The following DOCK1 variants were observed in gnomAD, a reference collection of about 807,000 sequenced individuals.
The protein encoded by DOCK1 is dedicator of cytokinesis 1, also known as dedicator of cytokinesis protein 1.
A neutral mutation model predicts 262.7 loss-of-function variants in DOCK1; 138 were observed. The ratio of observed to expected loss-of-function variants is 0.53; its 90% CI spans 0.46 to 0.61. The LOEUF (loss-of-function observed/expected upper bound fraction) is 0.61, where lower values mean the gene tolerates loss of function less well. Ranked by LOEUF, DOCK1 falls within the 20% of genes least tolerant of loss-of-function variation. DOCK1 has a pLI of 0.00. For missense variants in DOCK1, 1,908 were observed against 2,370.7 expected (o/e 0.80, Z 4.05); for synonymous variants, 866 against 867.4 (o/e 1.00, Z 0.03).
intron 28 of DOCK1, among the ~76,000 whole-genome samples, chr10:127,251,380 T>A (rs547293071): frequency 2.1e-4 from 32 of 152,194 alleles, no homozygotes; most frequent in African/African-American, 6.3e-4. Flanking sequence ...CATTTTTTTT[T>A]AAATTTTATT....
intron 21 of DOCK1, among the ~76,000 whole-genome samples, chr10:127,044,266 T>C (rs573265591): frequency 3.5e-4 from 54 of 152,222 alleles, no homozygotes; most frequent in Middle Eastern, 3.4e-3. Context: ...AGCCAGCTGT[T>C]AATATACCCT....
chr10:126,918,108 A>G (rs1018098302), intron 1 of DOCK1, among the ~76,000 whole-genome samples: 6 of 152,230 alleles, frequency 3.9e-5, no homozygotes, highest in Admixed American at 3.3e-4. Flanking sequence ...AACACAAAGA[A>G]GGGACTTCCA....
intron 21 of DOCK1, among the ~76,000 whole-genome samples, chr10:127,048,690 G>A (rs1442362172): frequency 6.6e-6 from 1 of 152,222 alleles, no homozygotes; most frequent in Non-Finnish European, 1.5e-5. Flanking sequence ...TGTGCCAGGT[G>A]TGTTTCAAGT....
rs750333841 is a variant in DOCK1 at position 127,137,812 on chromosome 10, C to T, written c.2847+10048C>T. The stretch of plus-strand genomic sequence containing the variant: ...AACTCCAGTGGGTTCTAAAGACGGC[C>T]TCGAGACTCCAGACACCGTGAGTGT... On this transcript the variant is annotated intron_variant, in intron 27 of 51. Transcript: ENST00000623213. 9 of 1,597,060 alleles carry T rather than the reference C, an allele frequency of 5.6e-6. No individual in the cohort carries two copies. The African/African-American group carries it at 9.5e-5, about 17-fold the overall frequency.
At chr10:127,141,166 C>T (rs1443371933) in intron 27 of DOCK1, among the ~76,000 whole-genome samples, 1 of 152,208 alleles carries the variant, frequency 6.6e-6, no homozygotes, top group Non-Finnish European at 1.5e-5. Context: ...GTTGTCTGAC[C>T]ACCTTCCCAA....
chr10:127,142,153 T>C (rs765366150), intron 27 of DOCK1, among the ~76,000 whole-genome samples: 12 of 152,222 alleles, frequency 7.9e-5, no homozygotes, highest in Non-Finnish European at 1.6e-4. Context: ...GTGATGTTTG[T>C]TCTGAGCACC....
intron 32 of DOCK1, among the ~76,000 whole-genome samples, chr10:127,357,449 T>C (rs888321065): frequency 1.3e-5 from 2 of 152,128 alleles, no homozygotes; most frequent in Admixed American, 6.6e-5. Context: ...GAGGATACAC[T>C]TGGGTCTGAC....
At chr10:127,332,266 A>G (rs1446897951) in intron 29 of DOCK1, among the ~76,000 whole-genome samples, 1 of 152,222 alleles carries the variant, frequency 6.6e-6, no homozygotes, top group African/African-American at 2.4e-5. Context: ...ATCACAGCCC[A>G]AGCCTGTGTC....
intron 4 of DOCK1, among the ~76,000 whole-genome samples, chr10:126,986,771 A>G (rs1001614842): frequency 6.6e-6 from 1 of 152,122 alleles, no homozygotes; most frequent in South Asian, 2.1e-4. Flanking sequence ...TTAGCCGGGC[A>G]TGGTGGTGGG....
intron 23 of DOCK1, among the ~76,000 whole-genome samples, chr10:127,068,730 T>C (rs1191919035): frequency 6.6e-6 from 1 of 152,228 alleles, no homozygotes; most frequent in Non-Finnish European, 1.5e-5. Context: ...CACACACATA[T>C]GTATACACCC....
At chr10:127,247,928 C>G (rs903029355) in intron 27 of DOCK1, 80 bp from the exon 28 acceptor site, 17 of 1,396,804 alleles carry the variant, frequency 1.2e-5, no homozygotes, top group Non-Finnish European at 1.6e-5. Flanking sequence ...AGTTTCAAGT[C>G]CCAGAATCTG....
rs183259911 is a variant in DOCK1 at position 127,377,478 on chromosome 10, C to T, written c.3676-2604C>T. On this transcript the variant is annotated intron_variant, in intron 35 of 51. Coordinates refer to ENST00000623213, the MANE Select transcript of DOCK1 (RefSeq NM_001290223.2). Reference sequence around the variant, plus strand: ...ATAAAATAAAGAACATAGAATTTACCAATGCTCTGTAAGTCTGTTGCCAAG... The same window carrying T: ...ATAAAATAAAGAACATAGAATTTACTAATGCTCTGTAAGTCTGTTGCCAAG... 2.6e-4 allele frequency among the ~76,000 whole-genome samples: 39 copies of T among 152,198 alleles called. No homozygotes were observed. In the East Asian group the frequency reaches 4.1e-3, roughly 16 times the overall value.
rs1311909304 is a variant in DOCK1 at position 127,023,220 on chromosome 10, T to C, written c.1348T>C (p.Tyr450His). 6.2e-7 allele frequency: 1 copy of C among 1,613,874 alleles called. No individual in the cohort carries two copies. ...IMPGDVRNDIYVTLVQGDFDK... is the reference protein window; with the variant it reads ...IMPGDVRNDIHVTLVQGDFDK... ...CTCAGGTGATGTTCGAAATGATATC[T>C]ATGTAACATTAGTTCAAGGAGATTT... is the stretch of plus-strand genomic sequence containing the variant. The change falls in exon 14 of 52, where the codon TAT becomes CAT. Residue 450 changes from tyrosine to histidine, a missense_variant. Physicochemically the swap from Tyr to His is moderately conservative, Grantham distance 83. Transcript: ENST00000623213.
At position 127,400,058 on chromosome 10, in the gene DOCK1, C is replaced by T. The variant is rs73388613; in HGVS notation, c.3928-2997C>T. On this transcript the variant is annotated intron_variant, in intron 38 of 51. Transcript: ENST00000623213. The stretch of plus-strand genomic sequence containing the variant: ...GGACCGTAGGCAGGATGTCTTGGGC[C>T]ACCTCCTACCCTCCCTGGACACTGG... Among the ~76,000 whole-genome samples the T allele has an allele frequency of 6.0e-3, 920 of 152,224 alleles. 10 individuals carry two copies. Among genetic ancestry groups the T allele is most frequent in the African/African-American group, 0.021 (880 of 41,526 alleles).
chr10:126,980,283 C>G (rs919677745), intron 3 of DOCK1, among the ~76,000 whole-genome samples: 1 of 152,132 alleles, frequency 6.6e-6, no homozygotes, highest in Non-Finnish European at 1.5e-5. Context: ...CCGCGACTTC[C>G]TGGGCTCAAG....
intron 2 of DOCK1, among the ~76,000 whole-genome samples, chr10:126,977,720 A>G (rs2038653100): frequency 6.6e-6 from 1 of 152,130 alleles, no homozygotes; most frequent in East Asian, 1.9e-4. Flanking sequence ...AGGTGAAGGT[A>G]TGGAGGCCCA....
At chr10:127,129,852 G>A (rs1254191105) in intron 27 of DOCK1, among the ~76,000 whole-genome samples, 1 of 152,078 alleles carries the variant, frequency 6.6e-6, no homozygotes, top group Non-Finnish European at 1.5e-5. Context: ...GTGGAGGCAG[G>A]TGGTCTCATG....
chr10:127,021,034 C>T (rs1340993055), intron 13 of DOCK1, among the ~76,000 whole-genome samples: 2 of 152,140 alleles, frequency 1.3e-5, no homozygotes, highest in Admixed American at 6.5e-5. Context: ...GCTTCTAGTT[C>T]CTTCTTCCCC....
chr10:127,209,798 G>A (rs1045472608), intron 27 of DOCK1, among the ~76,000 whole-genome samples: 2 of 152,164 alleles, frequency 1.3e-5, no homozygotes, highest in Non-Finnish European at 2.9e-5. Flanking sequence ...ACTTTGGAGT[G>A]TCCCAGGGAT....
Sources: allele counts gnomAD v4.1 joint callset (sites outside exome capture counted in the v4.1 genomes callset), GRCh38; gene constraint gnomAD v4.1.1; transcripts MANE v1.5; gene names NCBI Gene and HGNC (gene_info 2026-07-23, HGNC 2026-07-21).